The following CACNA2D3 variants were observed in gnomAD, a reference collection of about 807,000 sequenced individuals.
The protein encoded by CACNA2D3 is voltage-dependent calcium channel subunit alpha-2/delta-3.
CACNA2D3 carries 60 observed loss-of-function variants against 160.6 expected under a neutral mutation model. That is an observed-to-expected ratio of 0.37 (90% CI 0.30 to 0.46). The LOEUF (loss-of-function observed/expected upper bound fraction) is 0.46, where lower values mean the gene tolerates loss of function less well. Among genes scored for constraint, CACNA2D3 ranks in the 20% least tolerant of loss-of-function variants. CACNA2D3 has a pLI of 1.00. For missense variants in CACNA2D3, 1,205 were observed against 1,365.0 expected, an observed-to-expected ratio of 0.88 and a Z score of 1.85; for synonymous variants, 558 against 492.9, an observed-to-expected ratio of 1.13 and a Z score of -1.75.
intron 35 of CACNA2D3, 134 bp from the exon 36 acceptor site, chr3:55,073,311 A>G (rs539915305): frequency 1.1e-4 from 68 of 630,536 alleles, no homozygotes; most frequent in Non-Finnish European, 1.7e-4. Context: ...AGAAGGTAAC[A>G]TTAGTAGTAA....
intron 3 of CACNA2D3, among the ~76,000 whole-genome samples, chr3:54,382,818 G>A (rs376275064): frequency 6.6e-6 from 1 of 152,156 alleles, no homozygotes; most frequent in African/African-American, 2.4e-5. Context: ...ACAAAACACA[G>A]TAGAAACTTC....
In CACNA2D3 at chr3:54,253,858, C is replaced by G. The variant is rs956952929; in HGVS notation, c.205-66584C>G. Among the ~76,000 whole-genome samples, 4 of 152,122 alleles carry G rather than the reference C, an allele frequency of 2.6e-5. No homozygotes were observed. The East Asian group carries it at 7.8e-4, about 30-fold the overall frequency. Reference sequence around the variant, plus strand: ...TCTCGGCTCGCTGCAACCTCTGCCACCCACGTTCAAGCAATTCTCCTGCCT... The same window carrying G: ...TCTCGGCTCGCTGCAACCTCTGCCAGCCACGTTCAAGCAATTCTCCTGCCT... On this transcript the variant is annotated intron_variant, in intron 2 of 37. Transcript: ENST00000474759.
At chr3:54,408,949 A>C (rs1699620952) in intron 4 of CACNA2D3, among the ~76,000 whole-genome samples, 1 of 152,186 alleles carries the variant, frequency 6.6e-6, no homozygotes, top group Non-Finnish European at 1.5e-5. Context: ...AAATGGCTAT[A>C]ATATAACATG....
At chr3:54,508,441 A>G (rs1276753035) in intron 5 of CACNA2D3, among the ~76,000 whole-genome samples, 2 of 152,226 alleles carry the variant, frequency 1.3e-5, no homozygotes, top group Non-Finnish European at 2.9e-5. Context: ...CTGGGGCCCT[A>G]GAGAGCAAGC....
At chr3:54,903,953 A>G (rs1295344837) in intron 27 of CACNA2D3, among the ~76,000 whole-genome samples, 1 of 152,200 alleles carries the variant, frequency 6.6e-6, no homozygotes. Flanking sequence ...GATACTGGAC[A>G]TTAGACTTTT....
chr3:54,135,447 C>T (rs1262877581), intron 2 of CACNA2D3, among the ~76,000 whole-genome samples: 1 of 152,228 alleles, frequency 6.6e-6, no homozygotes, highest in Non-Finnish European at 1.5e-5. Context: ...GCTCTCTTCC[C>T]CAGGCGCAGC....
At chr3:54,925,663 A>G (rs1215535924) in intron 27 of CACNA2D3, among the ~76,000 whole-genome samples, 1 of 152,230 alleles carries the variant, frequency 6.6e-6, no homozygotes, top group Non-Finnish European at 1.5e-5. Flanking sequence ...ACTTTCTGTG[A>G]TGATAGAAGT....
chr3:54,803,480 T>C (rs1703043781), intron 13 of CACNA2D3, among the ~76,000 whole-genome samples: 1 of 151,896 alleles, frequency 6.6e-6, no homozygotes, highest in Non-Finnish European at 1.5e-5. Context: ...ATGAAATGAA[T>C]GAAGCGAGAA....
intron 17 of CACNA2D3, among the ~76,000 whole-genome samples, chr3:54,849,264 A>G (rs1267386773): frequency 1.3e-5 from 2 of 152,178 alleles, no homozygotes; most frequent in Admixed American, 6.5e-5. Context: ...GAATAATACT[A>G]GCAGCCACAG....
chr3:54,147,934 G>A lies in CACNA2D3; in HGVS notation c.204+24340G>A, dbSNP rs528481825. Reference sequence around the variant, plus strand: ...CAATTCTCCTGCCTCAGCCCCCCGAGGAGTTGGGACTATAGGCGTGTGCCA... The same window carrying A: ...CAATTCTCCTGCCTCAGCCCCCCGAAGAGTTGGGACTATAGGCGTGTGCCA... On this transcript the variant is annotated intron_variant, in intron 2 of 37. Coordinates refer to ENST00000474759, the MANE Select transcript of CACNA2D3 (RefSeq NM_018398.3). Among the ~76,000 whole-genome samples the A allele has an allele frequency of 2.0e-5, 3 of 152,318 alleles. No individual in the cohort carries two copies. In the South Asian group the frequency reaches 6.2e-4, roughly 32 times the overall value.
At chr3:54,193,229 A>G (rs77572999) in intron 2 of CACNA2D3, among the ~76,000 whole-genome samples, 2 of 152,262 alleles carry the variant, frequency 1.3e-5, no homozygotes, top group African/African-American at 2.4e-5. Context: ...TTATGTCCCT[A>G]TTCCTTAGAG....
chr3:54,503,454 C>T (rs1226819818), intron 4 of CACNA2D3, 38 bp from the exon 5 acceptor site: 1 of 1,606,750 alleles, frequency 6.2e-7, no homozygotes, highest in South Asian at 1.1e-5. Context: ...GCCCTCTTCC[C>T]TAAGCCACAT....
At chr3:54,869,531 C>T (rs1472612355) in intron 17 of CACNA2D3, among the ~76,000 whole-genome samples, 1 of 152,160 alleles carries the variant, frequency 6.6e-6, no homozygotes, top group East Asian at 1.9e-4. Flanking sequence ...AGAACTTCCT[C>T]AAAATAGACA....
chr3:54,769,662 T>C (rs1702283577), intron 13 of CACNA2D3, among the ~76,000 whole-genome samples: 1 of 152,218 alleles, frequency 6.6e-6, no homozygotes, highest in Non-Finnish European at 1.5e-5. Flanking sequence ...TTTATTGTCA[T>C]TTCCCAATTT....
intron 31 of CACNA2D3, among the ~76,000 whole-genome samples, 152 bp downstream of exon 31, chr3:54,987,905 C>G (rs1559455957): frequency 6.6e-6 from 1 of 152,180 alleles, no homozygotes; most frequent in East Asian, 1.9e-4. Flanking sequence ...AATTCGATGC[C>G]TCTTGCACGA....
intron 13 of CACNA2D3, among the ~76,000 whole-genome samples, chr3:54,814,499 A>G (rs1355739746): frequency 1.3e-5 from 2 of 152,368 alleles, no homozygotes; most frequent in East Asian, 3.9e-4. Context: ...TCCCAGCAGC[A>G]GCATCTGTGG....
At chr3:54,909,840 G>C (rs889907514) in intron 27 of CACNA2D3, among the ~76,000 whole-genome samples, 4 of 152,058 alleles carry the variant, frequency 2.6e-5, no homozygotes, top group African/African-American at 9.7e-5. Context: ...AGGAGAAAGT[G>C]ATCAGCGTGG....
chr3:54,803,296 A>G (rs555479825), intron 13 of CACNA2D3, among the ~76,000 whole-genome samples: 91 of 152,316 alleles, frequency 6.0e-4, no homozygotes, highest in African/African-American at 2.0e-3. Flanking sequence ...AAAGGCAAAG[A>G]AGTTGAAAAC....
chr3:54,219,077 A>G (rs529104960), intron 2 of CACNA2D3, among the ~76,000 whole-genome samples: 1 of 152,344 alleles, frequency 6.6e-6, no homozygotes, highest in South Asian at 2.1e-4. Context: ...TTAGTGACCC[A>G]TATTTTCCTG....
Sources: allele counts gnomAD v4.1 joint callset (sites outside exome capture counted in the v4.1 genomes callset), GRCh38; gene constraint gnomAD v4.1.1; transcripts MANE v1.5; gene names NCBI Gene and HGNC (gene_info 2026-07-23, HGNC 2026-07-21).